Variants in UGT1A3 observed in about 807,000 individuals in gnomAD.
The protein encoded by UGT1A3 is UDP glucuronosyltransferase family 1 member A3.
Under a neutral mutation model 41.0 loss-of-function variants are expected in UGT1A3, and 31 were observed. The ratio of observed to expected loss-of-function variants is 0.76; its 90% CI spans 0.57 to 1.02. The LOEUF (loss-of-function observed/expected upper bound fraction) is 1.02, where lower values mean the gene tolerates loss of function less well. Ranked by LOEUF, UGT1A3 falls within the 50% of genes least tolerant of loss-of-function variation. The pLI is 0.00. For missense variants in UGT1A3, 737 were observed against 671.0 expected, an observed-to-expected ratio of 1.10 and a Z score of -1.09; for synonymous variants, 262 against 257.6, an observed-to-expected ratio of 1.02 and a Z score of -0.17.
At chr2:233,736,819 A>G (rs1408974835) in intron 1 of UGT1A3, among the ~76,000 whole-genome samples, 1 of 152,184 alleles carries the variant, frequency 6.6e-6, no homozygotes, top group Non-Finnish European at 1.5e-5. Context: ...TCCACTCCAG[A>G]TGCTCTTTGC....
chr2:233,767,696 G>A (rs1360592219), intron 2 of UGT1A3, among the ~76,000 whole-genome samples, 153 bp from the exon 3 acceptor site: 3 of 152,166 alleles, frequency 2.0e-5, no homozygotes, highest in African/African-American at 7.2e-5. Flanking sequence ...GCCGGAAGTT[G>A]CCAGTCCTCA....
At chr2:233,754,239 C>A in intron 1 of UGT1A3, 1 of 170,838 alleles carries the variant, frequency 5.9e-6, no homozygotes. Flanking sequence ...CTGGCTCACA[C>A]TTTCCCAACG....
intron 1 of UGT1A3, among the ~76,000 whole-genome samples, chr2:233,742,528 A>G (rs896768700): frequency 1.3e-5 from 2 of 151,872 alleles, no homozygotes; most frequent in Admixed American, 6.5e-5. Flanking sequence ...AGTGCTGCAG[A>G]GATTTTGTTT....
At chr2:233,731,439 C>T (rs1335351159) in intron 1 of UGT1A3, among the ~76,000 whole-genome samples, 1 of 152,054 alleles carries the variant, frequency 6.6e-6, no homozygotes, top group Non-Finnish European at 1.5e-5. Context: ...TCCCCCAGTC[C>T]CCCACCCCAC....
intron 1 of UGT1A3, among the ~76,000 whole-genome samples, chr2:233,745,802 C>T (rs1262659143): frequency 2.0e-5 from 3 of 151,022 alleles, no homozygotes; most frequent in Non-Finnish European, 2.9e-5. Context: ...GGGTCTATCC[C>T]AGAGTTTTGA....
rs77053267 is a variant in UGT1A3, at chr2:233,743,791, C to T, written c.867+13798C>T. 1,068 of 1,367,342 alleles carry T rather than the reference C, an allele frequency of 7.8e-4. 34 individuals are homozygous for T. In the African/African-American group the frequency reaches 0.014, roughly 18 times the overall value. The allele number at this position is 1,367,342 out of a possible 1,614,324, so 84.7% of individuals were successfully genotyped here. On this transcript the variant is annotated intron_variant, in intron 1 of 4. Coordinates refer to ENST00000482026, the MANE Select transcript of UGT1A3 (RefSeq NM_019093.4). The stretch of plus-strand genomic sequence containing the variant: ...CGGCCACCTGCTTGAATCTCCTCTC[C>T]GCTTCCTCCTTGTTCTCAGGGTTTT...
chr2:233,750,975 G>A (rs1468208410), intron 1 of UGT1A3, among the ~76,000 whole-genome samples: 2 of 151,842 alleles, frequency 1.3e-5, no homozygotes, highest in African/African-American at 2.4e-5. Flanking sequence ...GCCTAGTGGA[G>A]TTGTGAGAAG....
chr2:233,745,894 T>A (rs1160883177), intron 1 of UGT1A3, among the ~76,000 whole-genome samples: 2 of 150,898 alleles, frequency 1.3e-5, no homozygotes, highest in Non-Finnish European at 1.5e-5. Context: ...TGGGGTGGCG[T>A]TTTTCAGGGA....
intron 1 of UGT1A3, among the ~76,000 whole-genome samples, chr2:233,737,879 A>G (rs1333884125): frequency 6.6e-6 from 1 of 152,166 alleles, no homozygotes; most frequent in East Asian, 1.9e-4. Flanking sequence ...TTCCACATTA[A>G]CAAAGCTAAT....
intron 1 of UGT1A3, chr2:233,755,181 C>G: frequency 8.3e-7 from 1 of 1,205,566 alleles, no homozygotes. Context: ...GTCGGGGTGC[C>G]ACTTGAGCGC....
At chr2:233,734,546 C>T (rs975748353) in intron 1 of UGT1A3, among the ~76,000 whole-genome samples, 34 of 152,032 alleles carry the variant, frequency 2.2e-4, no homozygotes, top group East Asian at 1.9e-4. Flanking sequence ...TATTTCTTCC[C>T]TTCTGCTAGC....
rs140613392 is a variant in UGT1A3 at position 233,768,343 on chromosome 2, G to A, written c.1211G>A (p.Arg404His). 68 of 1,614,170 alleles carry A rather than the reference G, an allele frequency of 4.2e-5. No homozygotes were observed. The highest frequency in any genetic ancestry group is 3.7e-4 in the African/African-American group (28 of 75,042). ...GGTGATCAGATGGACAATGCAAAGC[G>A]CATGGAGACTAAGGGAGCTGGAGTG... ...LFGDQMDNAK[R>H]METKGAGVTL... Residue 404 changes from arginine (R) to histidine (H), a missense_variant, in exon 4 of 5, where the codon CGC (arginine) becomes CAC (histidine). By Grantham distance (29) the Arg-to-His change is conservative. Coordinates refer to ENST00000482026, the MANE Select transcript of UGT1A3 (RefSeq NM_019093.4).
chr2:233,730,639 T>C (rs1444875009), intron 1 of UGT1A3, among the ~76,000 whole-genome samples: 1 of 152,130 alleles, frequency 6.6e-6, no homozygotes, highest in African/African-American at 2.4e-5. Context: ...TGGTGCATGA[T>C]GTGGGGACAT....
intron 1 of UGT1A3, chr2:233,743,709 C>T (rs1301083285): frequency 7.3e-7 from 1 of 1,367,384 alleles, no homozygotes; most frequent in Non-Finnish European, 9.8e-7. Context: ...GCCCCCGCCT[C>T]GCCATAGCGG....
At position 233,772,640 on chromosome 2, in the gene UGT1A3, C is replaced by T; in HGVS notation, c.*81C>T. On this transcript the variant is annotated 3_prime_UTR_variant, in exon 5 of 5. Transcript: ENST00000482026. ...TTGAAAACAGAATCAGTGTTAAATTCATTTTATTCTTATTAAGGAAATACT... is the reference window on the plus strand; with the variant it reads ...TTGAAAACAGAATCAGTGTTAAATTTATTTTATTCTTATTAAGGAAATACT... 2 of 1,552,730 alleles carry T rather than the reference C, an allele frequency of 1.3e-6. No individual in the cohort carries two copies. The highest frequency in any genetic ancestry group is 1.7e-6 in the Non-Finnish European group (2 of 1,148,442).
chr2:233,731,397 T>A (rs2078153818), intron 1 of UGT1A3, among the ~76,000 whole-genome samples: 1 of 152,046 alleles, frequency 6.6e-6, no homozygotes, highest in South Asian at 2.1e-4. Context: ...CAACTCGTCA[T>A]TTACATTAGG....
Position 233,740,697 on chromosome 2 carries a change from G to T in UGT1A3, c.867+10704G>T, listed in dbSNP as rs764928862. The stretch of plus-strand genomic sequence containing the variant: ...TTCCATGGAGGGTGTTCATTTTAGG[G>T]ATTTCAAGAGGGTCATCTTTGCACC... On this transcript the variant is annotated intron_variant, in intron 1 of 4. Coordinates refer to ENST00000482026, the MANE Select transcript of UGT1A3 (RefSeq NM_019093.4). 2.6e-5 allele frequency: 4 copies of T among 151,794 alleles called. No homozygotes were observed. In the East Asian group the frequency reaches 7.7e-4, roughly 29 times the overall value. 9.4% of individuals were successfully genotyped at this position (151,794 alleles called of 1,614,324 possible).
In UGT1A3 at chr2:233,773,045, T is replaced by C. The variant is rs1700563904; in HGVS notation, c.*486T>C. ...GTGTGTTTAAAGAAGGGAAGCTTTG[T>C]ACCTTTAGAGTGTAGGTGAAATGAA... On this transcript the variant is annotated 3_prime_UTR_variant, in exon 5 of 5. Transcript: ENST00000482026. 1 of 194,454 alleles carries C rather than the reference T, an allele frequency of 5.1e-6. No homozygotes were observed. Among genetic ancestry groups the C allele is most frequent in the Non-Finnish European group, 1.1e-5 (1 of 92,946 alleles). The allele number at this position is 194,454 out of a possible 1,614,324, so 12.0% of individuals were successfully genotyped here.
intron 1 of UGT1A3, chr2:233,755,333 G>A (rs878855763): frequency 4.4e-6 from 2 of 455,268 alleles, no homozygotes; most frequent in South Asian, 1.9e-5. Flanking sequence ...CAGCACCCGC[G>A]CACAGGTCAG....
Sources: allele counts gnomAD v4.1 joint callset (sites outside exome capture counted in the v4.1 genomes callset), GRCh38; gene constraint gnomAD v4.1.1; transcripts MANE v1.5; gene names NCBI Gene and HGNC (gene_info 2026-07-23, HGNC 2026-07-21).